The following SGCZ variants were observed in gnomAD, a reference collection of about 807,000 sequenced individuals.
SGCZ encodes the protein zeta-sarcoglycan.
Under a neutral mutation model 41.3 loss-of-function variants are expected in SGCZ, and 40 were observed. The ratio of observed to expected loss-of-function variants is 0.97; its 90% confidence interval spans 0.75 to 1.26. SGCZ has a LOEUF of 1.26. SGCZ is among the 50% of genes most tolerant of loss of function. The probability of loss-of-function intolerance (pLI) is 0.00; values close to 1 mark genes in which losing one functional copy is unlikely to be tolerated. For missense variants in SGCZ, 552 were observed against 369.8 expected, an observed-to-expected ratio of 1.49 and a Z score of -4.04; for synonymous variants, 206 against 137.5, an observed-to-expected ratio of 1.50 and a Z score of -3.49.
At chr8:14,730,077 C>G (rs762754726) in intron 1 of SGCZ, among the ~76,000 whole-genome samples, 3 of 152,150 alleles carry the variant, frequency 2.0e-5, no homozygotes, top group Admixed American at 1.3e-4. Flanking sequence ...CAGACTGAGA[C>G]AGCGTCTCAA....
intron 1 of SGCZ, among the ~76,000 whole-genome samples, chr8:14,831,543 T>C (rs1188143146): frequency 6.6e-6 from 1 of 151,964 alleles, no homozygotes; most frequent in African/African-American, 2.4e-5. Flanking sequence ...ACACACAACT[T>C]TGGGAAACAT....
intron 2 of SGCZ, among the ~76,000 whole-genome samples, chr8:14,410,704 C>T (rs370094359): frequency 3.3e-5 from 5 of 152,116 alleles, no homozygotes; most frequent in African/African-American, 1.2e-4. Flanking sequence ...TGCAGCAAAC[C>T]CCCATGGCAC....
intron 5 of SGCZ, among the ~76,000 whole-genome samples, chr8:14,133,534 G>C (rs1015465116): frequency 6.6e-6 from 1 of 152,086 alleles, no homozygotes; most frequent in Admixed American, 6.6e-5. Context: ...TGGAACCAGG[G>C]GCCAGGACTC....
chr8:14,104,893 AAATGAATTAACAT>A (rs1802154337), intron 6 of SGCZ, among the ~76,000 whole-genome samples: 1 of 152,148 alleles, frequency 6.6e-6, no homozygotes, highest in South Asian at 2.1e-4. Context: ...GGATTCTGTA[AAATGAATTAACAT>A]TTATTTTCTT....
At chr8:14,477,718 C>T (rs35809409) in intron 2 of SGCZ, among the ~76,000 whole-genome samples, 2 of 152,128 alleles carry the variant, frequency 1.3e-5, no homozygotes, top group Non-Finnish European at 2.9e-5. Context: ...TAAGAATATG[C>T]TACTCCAGAC....
At chr8:15,074,792 A>AATACATAGT (rs1805469863) in intron 1 of SGCZ, among the ~76,000 whole-genome samples, 2 of 152,118 alleles carry the variant, frequency 1.3e-5, no homozygotes, top group African/African-American at 4.8e-5. Flanking sequence ...TCATGCGTGG[A>AATACATAGT]ATACATAGTT....
intron 5 of SGCZ, among the ~76,000 whole-genome samples, chr8:14,119,335 G>C (rs1012329960): frequency 6.6e-6 from 1 of 152,004 alleles, no homozygotes; most frequent in Non-Finnish European, 1.5e-5. Context: ...TTGTGAATGG[G>C]AGTTGACTCA....
intron 1 of SGCZ, among the ~76,000 whole-genome samples, chr8:15,162,016 G>A (rs981490834): frequency 3.3e-5 from 5 of 152,154 alleles, no homozygotes; most frequent in African/African-American, 7.2e-5. Context: ...GGGTAACAGC[G>A]TGAAAAGAGG....
intron 3 of SGCZ, among the ~76,000 whole-genome samples, chr8:14,270,305 C>G (rs1055103854): frequency 6.6e-5 from 10 of 151,832 alleles, no homozygotes; most frequent in African/African-American, 1.5e-4. Context: ...GCACTCCTGC[C>G]TGGGTAACAG....
intron 3 of SGCZ, among the ~76,000 whole-genome samples, chr8:14,294,680 A>G (rs957733342): frequency 1.3e-5 from 2 of 152,106 alleles, no homozygotes; most frequent in African/African-American, 4.8e-5. Flanking sequence ...ATGACAAAGA[A>G]CTTGTATGTA....
At chr8:15,033,048 G>A (rs929222513) in intron 1 of SGCZ, among the ~76,000 whole-genome samples, 7 of 152,086 alleles carry the variant, frequency 4.6e-5, no homozygotes, top group African/African-American at 1.7e-4. Context: ...CCTGCCCAAT[G>A]CCATGCCAGC....
intron 3 of SGCZ, among the ~76,000 whole-genome samples, chr8:14,279,891 A>G (rs1336651983): frequency 1.3e-5 from 2 of 151,916 alleles, no homozygotes. Context: ...GTCCCTGTGA[A>G]AAGTCATCCT....
At chr8:15,061,031 A>G (rs1021650533) in intron 1 of SGCZ, among the ~76,000 whole-genome samples, 4 of 152,196 alleles carry the variant, frequency 2.6e-5, no homozygotes, top group Middle Eastern at 3.4e-3. Flanking sequence ...TCTTCCACAC[A>G]TTTCTACTGG....
intron 2 of SGCZ, among the ~76,000 whole-genome samples, chr8:14,361,979 C>T (rs1485225553): frequency 6.6e-6 from 1 of 152,140 alleles, no homozygotes; most frequent in Non-Finnish European, 1.5e-5. Context: ...GAGGTCAACT[C>T]CAGACCCTGC....
chr8:14,086,703 G>A lies in SGCZ; in HGVS notation c.*3740C>T, dbSNP rs187214622. ...GTTAACCAGGCATGATTTTTCCAAA[G>A]GAACCTTAATGTTCAAATGTTAAGA... On this transcript the variant is annotated 3_prime_UTR_variant, in exon 8 of 8. Transcript: ENST00000382080. Among the ~76,000 whole-genome samples, 5 of 151,668 alleles carry A rather than the reference G, an allele frequency of 3.3e-5. No homozygotes were observed. Among genetic ancestry groups the A allele is most frequent in the Admixed American group, 3.3e-4 (5 of 15,202 alleles).
chr8:14,125,756 G>C (rs116515668), intron 5 of SGCZ, among the ~76,000 whole-genome samples: 2,256 of 152,188 alleles, frequency 0.015, 49 homozygotes, highest in African/African-American at 0.051. Flanking sequence ...AAATCACATG[G>C]TACTGGTACC....
At chr8:14,147,799 T>C (rs1365320424) in intron 5 of SGCZ, among the ~76,000 whole-genome samples, 3 of 152,134 alleles carry the variant, frequency 2.0e-5, no homozygotes, top group Non-Finnish European at 4.4e-5. Flanking sequence ...GGATAGACTA[T>C]ATGTTAGGTC....
chr8:14,088,081 T>C lies in SGCZ; in HGVS notation c.*2362A>G, dbSNP rs1402326993. On this transcript the variant is annotated 3_prime_UTR_variant, in exon 8 of 8. Transcript: ENST00000382080. ...ACATCTTTTTTTCTCACTTTTTTTT[T>C]CATCTTTTCTCCTCTTATGACATAT... Among the ~76,000 whole-genome samples the C allele has an allele frequency of 2.0e-5, 3 of 151,844 alleles. No homozygotes were observed. The highest frequency in any genetic ancestry group is 7.2e-5 in the African/African-American group (3 of 41,428).
chr8:14,309,017 T>C, intron 3 of SGCZ: 6 of 1,149,896 alleles, frequency 5.2e-6, no homozygotes, highest in African/African-American at 1.6e-5. Flanking sequence ...GCCTCACTTT[T>C]ACCAGAAAAT....
Sources: gnomAD v4.1 joint callset for allele counts (sites outside exome capture counted in the v4.1 genomes callset) on GRCh38, gnomAD v4.1.1 for gene constraint, MANE v1.5 for transcripts, NCBI Gene and HGNC (gene_info 2026-07-23, HGNC 2026-07-21) for gene names.